The following GTF2IRD2B variants were observed in gnomAD, a reference collection of about 807,000 sequenced individuals.
GTF2IRD2B encodes general transcription factor II-I repeat domain-containing protein 2B.
GTF2IRD2B carries 10 observed loss-of-function variants against 55.6 expected under a neutral mutation model. The observed-to-expected ratio is 0.18, with a 90% CI of 0.11 to 0.31. GTF2IRD2B has a LOEUF of 0.31. Among genes scored for constraint, GTF2IRD2B ranks in the 10% least tolerant of loss-of-function variants. GTF2IRD2B has a pLI of 1.00. For missense variants in GTF2IRD2B, 206 were observed against 802.7 expected (o/e 0.26, Z 8.98); for synonymous variants, 107 against 320.5 (o/e 0.33, Z 7.12).
At chr7:75,117,485 T>G (rs1365529062) in intron 3 of GTF2IRD2B, among the ~76,000 whole-genome samples, 1 of 152,298 alleles carries the variant, frequency 6.6e-6, no homozygotes, top group Non-Finnish European at 1.5e-5. Context: ...GGATACCCAG[T>G]GTGGCACTCA....
Position 75,123,133 on chromosome 7 carries a change from T to C in GTF2IRD2B, c.359-3T>C. ...ATCCAAAGACGTTTGCGTCTTCTTG[T>C]AGGTAAAGCCTTAGGGACAACAGTG... On this transcript the variant is annotated splice_polypyrimidine_tract_variant and splice_region_variant and intron_variant, in intron 4 of 15. Coordinates refer to ENST00000472837, the MANE Select transcript of GTF2IRD2B (RefSeq NM_001003795.3). The C allele has an allele frequency of 6.6e-7, 1 of 1,521,014 alleles. No homozygotes were observed. Among genetic ancestry groups the C allele is most frequent in the Non-Finnish European group, 8.8e-7 (1 of 1,136,698 alleles). 94.2% of individuals were successfully genotyped at this position (1,521,014 alleles called of 1,614,324 possible).
intron 4 of GTF2IRD2B, among the ~76,000 whole-genome samples, chr7:75,121,759 A>C (rs1554451982): frequency 5.1e-5 from 7 of 136,324 alleles, no homozygotes; most frequent in South Asian, 2.3e-4. Context: ...GTGCCTGGCC[A>C]CCAGTTCTTT....
chr7:75,092,986 C>T (rs587613289), intron 1 of GTF2IRD2B, among the ~76,000 whole-genome samples: 36 of 152,390 alleles, frequency 2.4e-4, no homozygotes, highest in Non-Finnish European at 4.0e-4. Context: ...GGAAGCCTTG[C>T]CGCGGGGGCA....
intron 1 of GTF2IRD2B, among the ~76,000 whole-genome samples, chr7:75,103,678 G>A (rs1386916106): frequency 2.0e-5 from 3 of 151,536 alleles, no homozygotes; most frequent in East Asian, 1.9e-4. Context: ...CCCGTGGGTC[G>A]CCGTCCCCAG....
intron 3 of GTF2IRD2B, among the ~76,000 whole-genome samples, chr7:75,113,784 GT>G (rs1808045057): frequency 1.9e-5 from 2 of 104,222 alleles, no homozygotes; most frequent in African/African-American, 4.6e-5. Flanking sequence ...GTATAAGGGT[GT>G]GTGTGTGTGT....
intron 8 of GTF2IRD2B, among the ~76,000 whole-genome samples, chr7:75,132,076 A>G (rs1380124208): frequency 1.4e-5 from 2 of 145,962 alleles, no homozygotes; most frequent in African/African-American, 2.8e-5. Context: ...AGTTAAGATT[A>G]TAAGTGCCTA....
At chr7:75,109,230 C>T (rs1216742038) in intron 2 of GTF2IRD2B, among the ~76,000 whole-genome samples, 167 bp downstream of exon 2, 6 of 145,026 alleles carry the variant, frequency 4.1e-5, no homozygotes, top group African/African-American at 1.2e-4. Flanking sequence ...TCTCAGCTCA[C>T]GGCAACCTCT....
At chr7:75,124,369 AAAAT>A (rs781911872) in intron 6 of GTF2IRD2B, among the ~76,000 whole-genome samples, 127 of 152,364 alleles carry the variant, frequency 8.3e-4, no homozygotes, top group Non-Finnish European at 1.5e-3. Flanking sequence ...CTGTGCCTCA[AAAAT>A]AAATAAATAA....
chr7:75,102,078 C>T (rs2115679334), intron 1 of GTF2IRD2B, among the ~76,000 whole-genome samples: 1 of 151,178 alleles, frequency 6.6e-6, no homozygotes, highest in South Asian at 2.1e-4. Context: ...TCTCGGCTCA[C>T]TGCAACCTCC....
At chr7:75,096,678 A>C (rs1807389700) in intron 1 of GTF2IRD2B, among the ~76,000 whole-genome samples, 1 of 147,704 alleles carries the variant, frequency 6.8e-6, no homozygotes, top group South Asian at 2.2e-4. Context: ...CACCTGCCTC[A>C]GCCTCCCAGA....
In GTF2IRD2B at chr7:75,114,051, G is replaced by A. The variant is rs1175537564; in HGVS notation, c.238+1516G>A. On this transcript the variant is annotated intron_variant, in intron 3 of 15. Coordinates refer to ENST00000472837, the MANE Select transcript of GTF2IRD2B (RefSeq NM_001003795.3). ...ATGGATGGATAGATAAGGGAGACAG[G>A]AATTATATATATATATGTATATAGA... Among the ~76,000 whole-genome samples, 2 of 148,490 alleles carry A rather than the reference G, an allele frequency of 1.3e-5. 1 individual carries two copies. Among genetic ancestry groups the A allele is most frequent in the Non-Finnish European group, 3.0e-5 (2 of 67,126 alleles).
At chr7:75,112,748 T>C (rs1808015827) in intron 3 of GTF2IRD2B, 1 of 614,352 alleles carries the variant, frequency 1.6e-6, no homozygotes, top group African/African-American at 2.1e-5. Flanking sequence ...TCAGCGGTAC[T>C]CTGGTTTATT....
intron 1 of GTF2IRD2B, among the ~76,000 whole-genome samples, chr7:75,105,495 T>G (rs1416531826): frequency 6.6e-6 from 1 of 152,306 alleles, no homozygotes; most frequent in Non-Finnish European, 1.5e-5. Context: ...CAGAGTGATA[T>G]TCCACCTCAA....
At chr7:75,096,616 G>T (rs1394711644) in intron 1 of GTF2IRD2B, among the ~76,000 whole-genome samples, 17 of 119,846 alleles carry the variant, frequency 1.4e-4, no homozygotes, top group Non-Finnish European at 8.4e-5. Context: ...AGTAGAGACA[G>T]GGTTTCACCA....
chr7:75,117,331 C>A (rs1408110747), intron 3 of GTF2IRD2B, among the ~76,000 whole-genome samples: 1 of 152,140 alleles, frequency 6.6e-6, no homozygotes, highest in Non-Finnish European at 1.5e-5. Flanking sequence ...AAAACCCCGT[C>A]TCTACTAAAA....
At position 75,092,906 on chromosome 7, in the gene GTF2IRD2B, C is replaced by T. The variant is rs1266775943; in HGVS notation, c.-6+141C>T. The T allele has an allele frequency of 2.0e-5, 3 of 151,832 alleles. No homozygotes were observed. The East Asian group carries it at 5.8e-4, about 29-fold the overall frequency. 9.4% of individuals were successfully genotyped at this position (151,832 alleles called of 1,614,324 possible). On this transcript the variant is annotated intron_variant, in intron 1 of 15. Transcript: ENST00000472837. ...GAGGTGGCCCCCCGGGACACCCCGG[C>T]GCCCCGAGGCGAGGCACCCCCGAAC...
intron 9 of GTF2IRD2B, among the ~76,000 whole-genome samples, 178 bp downstream of exon 9, chr7:75,133,390 A>G (rs1265578812): frequency 6.8e-6 from 1 of 147,482 alleles, no homozygotes; most frequent in Non-Finnish European, 1.5e-5. Flanking sequence ...GCCTAAATCC[A>G]TGTACTCTTT....
intron 3 of GTF2IRD2B, among the ~76,000 whole-genome samples, chr7:75,119,985 C>T (rs1554451769): frequency 3.1e-5 from 4 of 129,698 alleles, no homozygotes; most frequent in South Asian, 4.5e-4. Context: ...AAAACTTAGC[C>T]GGGCGTGGTG....
chr7:75,115,228 C>T (rs1243038929), intron 3 of GTF2IRD2B, among the ~76,000 whole-genome samples: 6 of 147,578 alleles, frequency 4.1e-5, no homozygotes, highest in Non-Finnish European at 7.4e-5. Flanking sequence ...GGCATGCATG[C>T]TAAATATTTG....
Sources: allele counts gnomAD v4.1 joint callset (sites outside exome capture counted in the v4.1 genomes callset), GRCh38; gene constraint gnomAD v4.1.1; transcripts MANE v1.5; gene names NCBI Gene and HGNC (gene_info 2026-07-23, HGNC 2026-07-21).